ARHGAP22: variants seen among roughly 807,000 people sequenced by gnomAD.
ARHGAP22 encodes the protein Rho GTPase activating protein 22.
In ARHGAP22, 48 loss-of-function variants were observed where a neutral mutation model predicts 59.1. The observed-to-expected ratio is 0.81, with a 90% CI of 0.64 to 1.03. ARHGAP22 has a LOEUF of 1.03. ARHGAP22 is among the 50% of genes least tolerant of loss of function. The probability of loss-of-function intolerance (pLI) is 0.00; values close to 1 mark genes in which losing one functional copy is unlikely to be tolerated. For synonymous variants in ARHGAP22, 445 were observed against 416.4 expected (o/e 1.07, Z -0.84); for missense variants, 1,015 against 958.7 (o/e 1.06, Z -0.78).
chr10:48,601,510 A>AT (rs1211648227), intron 1 of ARHGAP22, among the ~76,000 whole-genome samples: 2 of 151,938 alleles, frequency 1.3e-5, no homozygotes, highest in African/African-American at 4.8e-5. Context: ...CCACTTCTTG[A>AT]TTTTTTCCTT....
intron 3 of ARHGAP22, among the ~76,000 whole-genome samples, chr10:48,513,382 T>G (rs1346555931): frequency 1.3e-5 from 2 of 152,242 alleles, no homozygotes; most frequent in African/African-American, 4.8e-5. Context: ...CTCTCATCTC[T>G]GGCTGATTTT....
intron 1 of ARHGAP22, among the ~76,000 whole-genome samples, chr10:48,586,527 G>A (rs1322309094): frequency 1.3e-5 from 2 of 152,216 alleles, no homozygotes; most frequent in Non-Finnish European, 2.9e-5. Flanking sequence ...TCACAGGGCA[G>A]AGAATGGACC....
At chr10:48,588,520 A>T (rs1469595291) in intron 1 of ARHGAP22, among the ~76,000 whole-genome samples, 1 of 152,126 alleles carries the variant, frequency 6.6e-6, no homozygotes, top group Non-Finnish European at 1.5e-5. Context: ...CAAGTCAAAC[A>T]GCTCTGGCAT....
chr10:48,647,755 C>A (rs2062370894), intron 1 of ARHGAP22, among the ~76,000 whole-genome samples: 1 of 152,228 alleles, frequency 6.6e-6, no homozygotes. Context: ...ATAACAGCAT[C>A]ATTCGTAATA....
chr10:48,508,771 G>T (rs11101352), intron 3 of ARHGAP22, among the ~76,000 whole-genome samples: 1 of 152,196 alleles, frequency 6.6e-6, no homozygotes, highest in Admixed American at 6.5e-5. Context: ...GCCCAGGGCA[G>T]GGTACATTCA....
At chr10:48,486,742 T>C (rs1205450245) in intron 3 of ARHGAP22, among the ~76,000 whole-genome samples, 1 of 152,262 alleles carries the variant, frequency 6.6e-6, no homozygotes, top group African/African-American at 2.4e-5. Context: ...ATTTTACTGC[T>C]GCCTGGAGGT....
intron 3 of ARHGAP22, among the ~76,000 whole-genome samples, chr10:48,500,485 A>C (rs1451119501): frequency 6.6e-6 from 1 of 152,224 alleles, no homozygotes; most frequent in Non-Finnish European, 1.5e-5. Flanking sequence ...GGGTGAGGAC[A>C]GGTGGGATTC....
chr10:48,597,428 G>C (rs2060133503), intron 1 of ARHGAP22, among the ~76,000 whole-genome samples: 1 of 152,140 alleles, frequency 6.6e-6, no homozygotes, highest in African/African-American at 2.4e-5. Flanking sequence ...AGTGGGTGAG[G>C]AGAGGCAGTG....
intron 3 of ARHGAP22, among the ~76,000 whole-genome samples, chr10:48,523,754 G>A (rs1329283441): frequency 1.3e-5 from 2 of 151,902 alleles, no homozygotes; most frequent in Non-Finnish European, 2.9e-5. Flanking sequence ...GCCAGCCCCG[G>A]GCCCTGGAGG....
chr10:48,579,767 G>C (rs2058995092), intron 2 of ARHGAP22, among the ~76,000 whole-genome samples: 1 of 151,964 alleles, frequency 6.6e-6, no homozygotes, highest in African/African-American at 2.4e-5. Context: ...CGTCCTACAG[G>C]AGAGTGCTGA....
At chr10:48,516,503 G>A (rs1189854948) in intron 3 of ARHGAP22, among the ~76,000 whole-genome samples, 2 of 151,706 alleles carry the variant, frequency 1.3e-5, no homozygotes, top group Non-Finnish European at 2.9e-5. Flanking sequence ...ACTCCAGCCT[G>A]GATGACAGAG....
intron 2 of ARHGAP22, among the ~76,000 whole-genome samples, chr10:48,577,664 A>G (rs142287789): frequency 2.9e-3 from 436 of 151,012 alleles, no homozygotes; most frequent in African/African-American, 0.01. Flanking sequence ...AGAAAGGGCC[A>G]GAGTCCCCAT....
At chr10:48,528,138 C>T (rs2054501535) in intron 3 of ARHGAP22, among the ~76,000 whole-genome samples, 1 of 152,154 alleles carries the variant, frequency 6.6e-6, no homozygotes, top group African/African-American at 2.4e-5. Flanking sequence ...GAAGCCTGTG[C>T]AGCCTGAGCC....
chr10:48,568,914 A>T (rs7907189), intron 2 of ARHGAP22, among the ~76,000 whole-genome samples: 60,274 of 152,062 alleles, frequency 0.4, 13,550 homozygotes, highest in East Asian at 0.89. Context: ...CTGCCCACGA[A>T]GAACAGACCC....
chr10:48,539,291 A>ATTTTTTTTTTTTTTTTTTTTTTTTTTTTT (rs56801787), intron 3 of ARHGAP22, among the ~76,000 whole-genome samples: 1 of 136,262 alleles, frequency 7.3e-6, no homozygotes, highest in African/African-American at 2.8e-5. Context: ...GAAGGGTAAC[A>ATTTTTTTTTTTTTTTTTTTTTTTTTTTTT]TTTTTTTTTT....
chr10:48,436,209 T>G, the ARHGAP22 span: 5 of 152,384 alleles, frequency 3.3e-5, no homozygotes, highest in Non-Finnish European at 7.3e-5. Flanking sequence ...TAAGGACTGT[T>G]TCTTCACATT....
At chr10:48,507,456 TC>T (rs2052263649) in intron 3 of ARHGAP22, among the ~76,000 whole-genome samples, 1 of 152,158 alleles carries the variant, frequency 6.6e-6, no homozygotes, top group Admixed American at 6.5e-5. Flanking sequence ...CATGCTGACA[TC>T]AGGAGGTGAT....
At chr10:48,473,571 G>A (rs553712639) in intron 4 of ARHGAP22, among the ~76,000 whole-genome samples, 49 of 148,760 alleles carry the variant, frequency 3.3e-4, no homozygotes, top group African/African-American at 1.1e-3. Flanking sequence ...CTCAGAGAGC[G>A]CTGAGCACTT....
At chr10:48,635,467 G>T (rs1050665298) in intron 1 of ARHGAP22, among the ~76,000 whole-genome samples, 1 of 152,204 alleles carries the variant, frequency 6.6e-6, no homozygotes, top group South Asian at 2.1e-4. Context: ...CCCGCTCCAG[G>T]CTCTCAGCCC....
Sources: gnomAD v4.1 joint callset for allele counts (sites outside exome capture counted in the v4.1 genomes callset) on GRCh38, gnomAD v4.1.1 for gene constraint, MANE v1.5 for transcripts, NCBI Gene and HGNC (gene_info 2026-07-23, HGNC 2026-07-21) for gene names.